NBAS: variants seen among roughly 807,000 people sequenced by gnomAD.
The protein encoded by NBAS is NBAS subunit of NRZ tethering complex.
NBAS carries 219 observed loss-of-function variants against 302.5 expected under a neutral mutation model. The ratio of observed to expected loss-of-function variants is 0.72; its 90% CI spans 0.65 to 0.81. The LOEUF is 0.81. NBAS is among the 30% of genes least tolerant of loss of function. NBAS has a pLI of 0.00. For synonymous variants in NBAS, 1,118 were observed against 1,021.6 expected, an observed-to-expected ratio of 1.09 and a Z score of -1.80; for missense variants, 2,932 against 2,841.6, an observed-to-expected ratio of 1.03 and a Z score of -0.72.
At chr2:14,787,968 AT>A in the NBAS span, among the ~76,000 whole-genome samples, 2 of 151,718 alleles carry the variant, frequency 1.3e-5, no homozygotes, top group East Asian at 3.9e-4. Flanking sequence ...CCAATCAGAC[AT>A]AGATTTGGTC....
chr2:15,522,814 T>G (rs1375312833), intron 9 of NBAS, among the ~76,000 whole-genome samples: 1 of 152,244 alleles, frequency 6.6e-6, no homozygotes, highest in African/African-American at 2.4e-5. Flanking sequence ...AATAGGCTAA[T>G]GTTGACCCAA....
At chr2:14,949,793 C>G in the NBAS span, among the ~76,000 whole-genome samples, 2 of 152,034 alleles carry the variant, frequency 1.3e-5, no homozygotes, top group Admixed American at 6.6e-5. Context: ...AAGCCAAGTA[C>G]AGAAAGGCAA....
At chr2:15,342,382 G>T (rs1672895939) in intron 35 of NBAS, among the ~76,000 whole-genome samples, 1 of 152,010 alleles carries the variant, frequency 6.6e-6, no homozygotes, top group Non-Finnish European at 1.5e-5. Flanking sequence ...TTATGTAAAT[G>T]GTCTATATGG....
At chr2:15,256,392 T>C (rs10929354) in intron 44 of NBAS, among the ~76,000 whole-genome samples, 42,100 of 152,014 alleles carry the variant, frequency 0.28, 7,112 homozygotes, top group African/African-American at 0.47. Context: ...GTGCCACTGA[T>C]TTGTGTACAC....
chr2:15,080,226 A>G, the NBAS span, among the ~76,000 whole-genome samples: 1 of 152,332 alleles, frequency 6.6e-6, no homozygotes, highest in East Asian at 1.9e-4. Context: ...TTTCTCCTCC[A>G]GAACTCCAGA....
At chr2:15,146,259 G>C in the NBAS span, among the ~76,000 whole-genome samples, 1 of 152,080 alleles carries the variant, frequency 6.6e-6, no homozygotes, top group Non-Finnish European at 1.5e-5. Context: ...AGAATAAATA[G>C]ACTATGGTGT....
intron 11 of NBAS, among the ~76,000 whole-genome samples, chr2:15,498,795 G>GT: frequency 6.6e-6 from 1 of 151,920 alleles, no homozygotes; most frequent in Non-Finnish European, 1.5e-5. Flanking sequence ...GTAAAGATGT[G>GT]TTTCCTTCCT....
At chr2:15,494,635 C>T (rs550569292) in intron 11 of NBAS, among the ~76,000 whole-genome samples, 2 of 152,200 alleles carry the variant, frequency 1.3e-5, no homozygotes, top group South Asian at 4.1e-4. Flanking sequence ...TTTATATGCT[C>T]CCTGAGTATA....
At chr2:14,846,525 C>A in the NBAS span, among the ~76,000 whole-genome samples, 44,682 of 144,130 alleles carry the variant, frequency 0.31, 7,153 homozygotes, top group East Asian at 0.4. Flanking sequence ...ACACAAAAAA[C>A]TATATAATAT....
At chr2:14,935,194 A>G in the NBAS span, among the ~76,000 whole-genome samples, 3 of 151,996 alleles carry the variant, frequency 2.0e-5, no homozygotes, top group African/African-American at 7.2e-5. Context: ...TCTATATTTC[A>G]TATTTCTCAA....
At chr2:15,418,665 C>T (rs1381027801) in intron 23 of NBAS, among the ~76,000 whole-genome samples, 1 of 152,038 alleles carries the variant, frequency 6.6e-6, no homozygotes, top group Non-Finnish European at 1.5e-5. Context: ...TTAGCATGGA[C>T]TCTAAAGAAT....
chr2:15,469,028 T>C (rs930384947), intron 16 of NBAS, among the ~76,000 whole-genome samples: 3 of 152,186 alleles, frequency 2.0e-5, no homozygotes, highest in African/African-American at 7.2e-5. Context: ...TGATATGCTG[T>C]TTTTTGGAAA....
At chr2:15,031,491 C>T in the NBAS span, among the ~76,000 whole-genome samples, 1 of 152,168 alleles carries the variant, frequency 6.6e-6, no homozygotes, top group South Asian at 2.1e-4. Context: ...CACAGTGAGG[C>T]AGAAGACCCC....
At chr2:15,131,204 T>A in the NBAS span, among the ~76,000 whole-genome samples, 2 of 152,164 alleles carry the variant, frequency 1.3e-5, no homozygotes, top group African/African-American at 2.4e-5. Context: ...TTTAAAAAAA[T>A]TTTAAATGAG....
chr2:14,891,270 T>A, the NBAS span, among the ~76,000 whole-genome samples: 1 of 152,110 alleles, frequency 6.6e-6, no homozygotes, highest in Non-Finnish European at 1.5e-5. Context: ...ACTAAGTTGA[T>A]ATGACATAAA....
At chr2:15,080,083 T>G in the NBAS span, among the ~76,000 whole-genome samples, 1 of 152,146 alleles carries the variant, frequency 6.6e-6, no homozygotes, top group Non-Finnish European at 1.5e-5. Context: ...CCTCATCCCA[T>G]GAGCCAGACC....
the NBAS span, among the ~76,000 whole-genome samples, chr2:15,136,826 T>C: frequency 2.0e-5 from 3 of 152,160 alleles, no homozygotes; most frequent in African/African-American, 7.2e-5. Context: ...TGAAATCTGA[T>C]GGTTTAAAAG....
At chr2:15,382,266 C>A (rs1162922418) in intron 29 of NBAS, among the ~76,000 whole-genome samples, 1 of 152,126 alleles carries the variant, frequency 6.6e-6, no homozygotes, top group Non-Finnish European at 1.5e-5. Context: ...ATGAGTAAAT[C>A]CCCCTGGATT....
chr2:15,190,156 A>G, intron 49 of NBAS, 108 bp downstream of exon 49: 1 of 1,266,202 alleles, frequency 7.9e-7, no homozygotes, highest in Non-Finnish European at 1.1e-6. Context: ...CTGACTACGC[A>G]CACACATATA....
Sources: allele counts gnomAD v4.1 joint callset (sites outside exome capture counted in the v4.1 genomes callset), GRCh38; gene constraint gnomAD v4.1.1; transcripts MANE v1.5; gene names NCBI Gene and HGNC (gene_info 2026-07-23, HGNC 2026-07-21).